Variants in BNC2 observed in about 807,000 individuals in gnomAD.
BNC2 encodes the protein zinc finger protein basonuclin-2.
Under a neutral mutation model 76.3 loss-of-function variants are expected in BNC2, and 20 were observed. The ratio of observed to expected loss-of-function variants is 0.26; its 90% CI spans 0.18 to 0.38. The LOEUF is 0.38. BNC2 is among the 10% of genes least tolerant of loss of function. The pLI, the probability that BNC2 is intolerant of heterozygous loss-of-function variation, is 1.00. For missense variants in BNC2, 1,382 were observed against 1,399.8 expected, an observed-to-expected ratio of 0.99 and a Z score of 0.20; for synonymous variants, 582 against 514.8, an observed-to-expected ratio of 1.13 and a Z score of -1.77.
At chr9:16,421,659 C>T (rs1471553230) in intron 6 of BNC2, among the ~76,000 whole-genome samples, 1 of 152,164 alleles carries the variant, frequency 6.6e-6, no homozygotes, top group Non-Finnish European at 1.5e-5. Context: ...AGTAATTCCC[C>T]GTTTCCTTGG....
chr9:16,482,163 G>A (rs181253164), intron 5 of BNC2, among the ~76,000 whole-genome samples: 1 of 152,162 alleles, frequency 6.6e-6, no homozygotes, highest in Non-Finnish European at 1.5e-5. Flanking sequence ...ATACCACAGG[G>A]GAAATTATAG....
intron 1 of BNC2, among the ~76,000 whole-genome samples, chr9:16,869,388 T>C (rs970272014): frequency 6.6e-6 from 1 of 150,418 alleles, no homozygotes; most frequent in Non-Finnish European, 1.5e-5. Context: ...AGCGTTACTG[T>C]AACCACAGTC....
chr9:16,473,928 AC>A (rs1821878212), intron 5 of BNC2, among the ~76,000 whole-genome samples: 1 of 152,176 alleles, frequency 6.6e-6, no homozygotes, highest in African/African-American at 2.4e-5. Context: ...ATGATTAAGT[AC>A]TTAAAAGTGT....
chr9:16,574,843 CTAT>C (rs1394862508), intron 4 of BNC2, among the ~76,000 whole-genome samples: 3 of 152,134 alleles, frequency 2.0e-5, no homozygotes, highest in African/African-American at 7.2e-5. Context: ...AGATGCATTG[CTAT>C]TATTATCCGA....
intron 3 of BNC2, among the ~76,000 whole-genome samples, chr9:16,638,122 G>C (rs1369074282): frequency 6.6e-6 from 1 of 152,176 alleles, no homozygotes; most frequent in Non-Finnish European, 1.5e-5. Context: ...TAATCAGTCT[G>C]GGAGTCTTGT....
intron 5 of BNC2, among the ~76,000 whole-genome samples, chr9:16,497,258 C>T (rs1233783985): frequency 2.0e-5 from 3 of 152,178 alleles, no homozygotes; most frequent in Admixed American, 6.5e-5. Context: ...CTAGATATTG[C>T]AGAAAACAGT....
At chr9:16,667,102 C>A (rs1346470265) in intron 3 of BNC2, among the ~76,000 whole-genome samples, 1 of 146,418 alleles carries the variant, frequency 6.8e-6, no homozygotes, top group East Asian at 1.9e-4. Context: ...CACACACACA[C>A]ACACACGCAC....
intron 3 of BNC2, among the ~76,000 whole-genome samples, chr9:16,583,888 A>C (rs1819696819): frequency 6.6e-6 from 1 of 152,218 alleles, no homozygotes; most frequent in Non-Finnish European, 1.5e-5. Context: ...CCTTATAACC[A>C]CTTTAAAAAA....
intron 1 of BNC2, among the ~76,000 whole-genome samples, chr9:16,765,450 T>C (rs947146057): frequency 1.3e-5 from 2 of 152,218 alleles, no homozygotes; most frequent in Non-Finnish European, 2.9e-5. Context: ...TCAATATTAT[T>C]AAATCTGTTA....
At position 16,412,718 on chromosome 9, in the gene BNC2, GGGGAGAGAGAGAGAGAGAGAGAGAGA is replaced by G. The variant is rs1586999566; in HGVS notation, c.*6245_*6270del. On this transcript the variant is annotated 3_prime_UTR_variant, in exon 7 of 7. Transcript: ENST00000380672. ...AGAATAAGAGGGAAGGAGAGAGAGA[GGGGAGAGAGAGAGAGAGAGAGAGAGA>G]GAGAGAGAGAGAGAGAGAGAGACTG... 2.0e-5 allele frequency: 2 copies of G among 100,564 alleles called. No individual in the cohort carries two copies. The highest frequency in any genetic ancestry group is 6.9e-5 in the African/African-American group (2 of 28,786). 6.2% of individuals were successfully genotyped at this position (100,564 alleles called of 1,614,324 possible).
At chr9:16,439,734 C>A (rs1408567539) in intron 5 of BNC2, among the ~76,000 whole-genome samples, 1 of 152,160 alleles carries the variant, frequency 6.6e-6, no homozygotes, top group Non-Finnish European at 1.5e-5. Flanking sequence ...TTTAAAAAAG[C>A]TCTGATAGTT....
In BNC2 at chr9:16,836,372, T is replaced by C. The variant is rs186959975; in HGVS notation, c.3+34274A>G. ...GAGTCAAACGAATGCATATATAAAG[T>C]AGACCATCAGAAACATATTCTTAGA... On this transcript the variant is annotated intron_variant, in intron 1 of 6. Coordinates refer to ENST00000380672, the MANE Select transcript of BNC2 (RefSeq NM_017637.6). Among the ~76,000 whole-genome samples, 424 of 152,254 alleles carry C rather than the reference T, an allele frequency of 2.8e-3. 2 individuals are homozygous for C. Among genetic ancestry groups the C allele is most frequent in the Non-Finnish European group, 5.0e-3 (339 of 68,010 alleles).
chr9:16,726,554 C>CT (rs34085067), intron 3 of BNC2, among the ~76,000 whole-genome samples: 7 of 27,458 alleles, frequency 2.5e-4, no homozygotes, highest in Admixed American at 5.3e-4. Context: ...CAAACAAAAG[C>CT]TTTTTAAAAA....
chr9:16,574,177 G>C (rs1819417733), intron 4 of BNC2, among the ~76,000 whole-genome samples: 1 of 152,114 alleles, frequency 6.6e-6, no homozygotes, highest in Non-Finnish European at 1.5e-5. Flanking sequence ...GCTTAACCTG[G>C]TGAACTCCAG....
At chr9:16,653,899 C>T (rs561553329) in intron 3 of BNC2, among the ~76,000 whole-genome samples, 6 of 152,254 alleles carry the variant, frequency 3.9e-5, no homozygotes, top group African/African-American at 1.4e-4. Context: ...TGCTGTGTTA[C>T]TGCTCTTTGC....
intron 1 of BNC2, among the ~76,000 whole-genome samples, chr9:16,833,057 C>T (rs1332161305): frequency 1.3e-5 from 2 of 151,172 alleles, no homozygotes; most frequent in Non-Finnish European, 2.9e-5. Flanking sequence ...AGGAATCAGT[C>T]TTACAGAAGT....
At chr9:16,832,758 G>A (rs1274725426) in intron 1 of BNC2, among the ~76,000 whole-genome samples, 4 of 151,258 alleles carry the variant, frequency 2.6e-5, no homozygotes, top group South Asian at 2.1e-4. Flanking sequence ...ATGGAGTCTC[G>A]CTCTGTCACC....
intron 1 of BNC2, among the ~76,000 whole-genome samples, chr9:16,849,069 C>T (rs192224084): frequency 6.6e-6 from 1 of 152,128 alleles, no homozygotes; most frequent in East Asian, 1.9e-4. Flanking sequence ...ACCAGAGGCT[C>T]AACCTGTATG....
chr9:16,793,920 T>A (rs1237374454), intron 1 of BNC2, among the ~76,000 whole-genome samples: 4 of 146,860 alleles, frequency 2.7e-5, no homozygotes, highest in African/African-American at 9.9e-5. Flanking sequence ...GCCAGGATGG[T>A]CTCGATCTCC....
Sources: allele counts gnomAD v4.1 joint callset (sites outside exome capture counted in the v4.1 genomes callset), GRCh38; gene constraint gnomAD v4.1.1; transcripts MANE v1.5; gene names NCBI Gene and HGNC (gene_info 2026-07-23, HGNC 2026-07-21).